The following FAM13A variants were observed in gnomAD, a reference collection of about 807,000 sequenced individuals.
FAM13A encodes protein FAM13A.
FAM13A carries 76 observed loss-of-function variants against 129.6 expected under a neutral mutation model. The observed-to-expected ratio is 0.59, with a 90% CI of 0.49 to 0.71. FAM13A has a LOEUF of 0.71. Among genes scored for constraint, FAM13A ranks in the 30% least tolerant of loss-of-function variants. The pLI is 0.00. For synonymous variants in FAM13A, 443 were observed against 449.9 expected (o/e 0.98, Z 0.20); for missense variants, 1,108 against 1,249.3 (o/e 0.89, Z 1.70).
chr4:88,999,644 T>A (rs1214213102), intron 3 of FAM13A, among the ~76,000 whole-genome samples: 1 of 152,208 alleles, frequency 6.6e-6, no homozygotes, highest in Admixed American at 6.5e-5. Flanking sequence ...GGCCTGTAAG[T>A]GGATTTGGTG....
At chr4:88,767,219 T>C (rs576335468) in intron 13 of FAM13A, among the ~76,000 whole-genome samples, 20 of 152,330 alleles carry the variant, frequency 1.3e-4, no homozygotes, top group African/African-American at 4.8e-4. Context: ...ACTACCTATA[T>C]ATTTCAATCA....
At chr4:89,045,968 G>A (rs545009237) in intron 1 of FAM13A, among the ~76,000 whole-genome samples, 1 of 147,712 alleles carries the variant, frequency 6.8e-6, no homozygotes, top group Admixed American at 6.9e-5. Context: ...AGGTTGCAGT[G>A]AGCCAAGATT....
At chr4:89,050,142 C>T (rs999243261) in intron 1 of FAM13A, among the ~76,000 whole-genome samples, 8 of 152,180 alleles carry the variant, frequency 5.3e-5, no homozygotes, top group Admixed American at 1.3e-4. Context: ...TAGTCAGTGA[C>T]GAAAACCAGG....
chr4:88,959,466 T>A (rs1311851408), intron 4 of FAM13A, among the ~76,000 whole-genome samples: 1 of 152,184 alleles, frequency 6.6e-6, no homozygotes, highest in Non-Finnish European at 1.5e-5. Context: ...GGACGTGGCA[T>A]CTCCTTGCCT....
chr4:88,946,401 C>CTTTTTTTTTTT (rs3067813), intron 4 of FAM13A, among the ~76,000 whole-genome samples: 2 of 91,716 alleles, frequency 2.2e-5, no homozygotes, highest in Non-Finnish European at 4.1e-5. Context: ...CTCCCGCGTT[C>CTTTTTTTTTTT]TTTTTTTTTT....
intron 4 of FAM13A, among the ~76,000 whole-genome samples, chr4:88,951,707 T>C (rs1756980249): frequency 6.6e-6 from 1 of 152,236 alleles, no homozygotes; most frequent in South Asian, 2.1e-4. Context: ...CAATGTTCAA[T>C]TAAAGTTCTG....
chr4:89,035,371 A>C (rs1454452439), intron 1 of FAM13A, among the ~76,000 whole-genome samples: 5 of 152,116 alleles, frequency 3.3e-5, no homozygotes, highest in Non-Finnish European at 5.9e-5. Flanking sequence ...AATGTGTCTA[A>C]GTCTCAAAAT....
chr4:88,808,372 A>AT (rs1239876844), intron 7 of FAM13A, among the ~76,000 whole-genome samples: 1 of 152,160 alleles, frequency 6.6e-6, no homozygotes, highest in East Asian at 1.9e-4. Context: ...AAAAATTACC[A>AT]TTTTTATACA....
At chr4:88,872,216 G>A (rs75533614) in intron 6 of FAM13A, among the ~76,000 whole-genome samples, 8 of 152,302 alleles carry the variant, frequency 5.3e-5, no homozygotes, top group African/African-American at 1.9e-4. Context: ...CACCATTGAT[G>A]CTAGGAGAAA....
intron 7 of FAM13A, among the ~76,000 whole-genome samples, chr4:88,814,101 A>C (rs1463328884): frequency 6.6e-6 from 1 of 152,224 alleles, no homozygotes; most frequent in East Asian, 1.9e-4. Flanking sequence ...TATCTCATTC[A>C]ATCCTCAAAG....
intron 9 of FAM13A, among the ~76,000 whole-genome samples, chr4:88,788,229 G>A (rs780615532): frequency 3.9e-5 from 6 of 152,054 alleles, no homozygotes; most frequent in Non-Finnish European, 7.4e-5. Context: ...AGGAAACAGG[G>A]GTCAATCAAT....
At chr4:88,932,337 G>A (rs140878077) in intron 5 of FAM13A, among the ~76,000 whole-genome samples, 20 of 152,284 alleles carry the variant, frequency 1.3e-4, no homozygotes, top group Admixed American at 9.2e-4. Context: ...AGTAGTAAAT[G>A]AGATACATAT....
intron 1 of FAM13A, among the ~76,000 whole-genome samples, chr4:89,044,478 G>A (rs1296325779): frequency 1.3e-5 from 2 of 152,100 alleles, no homozygotes; most frequent in Non-Finnish European, 2.9e-5. Flanking sequence ...CATCATCAGT[G>A]GAAATATAAA....
chr4:88,948,021 A>G (rs1461159172), intron 4 of FAM13A, among the ~76,000 whole-genome samples: 1 of 152,210 alleles, frequency 6.6e-6, no homozygotes, highest in Non-Finnish European at 1.5e-5. Context: ...GCTCTTTAGA[A>G]GAACAATAAT....
chr4:88,922,773 G>T (rs1217978622), intron 5 of FAM13A, among the ~76,000 whole-genome samples: 1 of 151,980 alleles, frequency 6.6e-6, no homozygotes, highest in African/African-American at 2.4e-5. Flanking sequence ...CTGGTTTTTT[G>T]AAAGGATCAA....
intron 6 of FAM13A, among the ~76,000 whole-genome samples, chr4:88,874,244 CT>C (rs1437968490): frequency 6.6e-6 from 1 of 152,146 alleles, no homozygotes. Context: ...CAGGGATGCC[CT>C]CTCTCACCAC....
chr4:88,795,858 T>A (rs1022948383), intron 8 of FAM13A, among the ~76,000 whole-genome samples: 12 of 151,868 alleles, frequency 7.9e-5, no homozygotes, highest in Non-Finnish European at 4.4e-5. Context: ...AATTGCATGA[T>A]GTATTCTCTA....
chr4:88,873,122 T>C (rs2150084642), intron 6 of FAM13A, among the ~76,000 whole-genome samples: 1 of 152,250 alleles, frequency 6.6e-6, no homozygotes, highest in African/African-American at 2.4e-5. Flanking sequence ...CCAGAATCTC[T>C]GGGACACATT....
intron 4 of FAM13A, among the ~76,000 whole-genome samples, chr4:88,946,401 CTTTTTTTTTTTT>C (rs3067813): frequency 1.1e-5 from 1 of 91,716 alleles, no homozygotes; most frequent in Admixed American, 1.3e-4. Context: ...CTCCCGCGTT[CTTTTTTTTTTTT>C]TTTTTTTTTT....
Sources: gnomAD v4.1 joint callset for allele counts (sites outside exome capture counted in the v4.1 genomes callset) on GRCh38, gnomAD v4.1.1 for gene constraint, MANE v1.5 for transcripts, NCBI Gene and HGNC (gene_info 2026-07-23, HGNC 2026-07-21) for gene names.